The following ADRA1B variants were observed in gnomAD, a reference collection of about 807,000 sequenced individuals.
ADRA1B encodes the protein adrenoceptor alpha 1B.
A neutral mutation model predicts 17.9 loss-of-function variants in ADRA1B; 17 were observed. The ratio of observed to expected loss-of-function variants is 0.95; its 90% confidence interval spans 0.65 to 1.42. The LOEUF is 1.42. Ranked by LOEUF, ADRA1B falls within the 40% of genes most tolerant of loss-of-function variation. The probability of loss-of-function intolerance (pLI) is 0.00; values close to 1 mark genes in which losing one functional copy is unlikely to be tolerated. For synonymous variants in ADRA1B, 366 were observed against 327.6 expected, an observed-to-expected ratio of 1.12 and a Z score of -1.27; for missense variants, 681 against 722.1, an observed-to-expected ratio of 0.94 and a Z score of 0.65.
At chr5:159,983,433 G>T in the ADRA1B span, among the ~76,000 whole-genome samples, 3 of 152,260 alleles carry the variant, frequency 2.0e-5, no homozygotes, top group East Asian at 5.8e-4. Flanking sequence ...ATGTGTTCTG[G>T]CACCACGGTC....
rs745944331 is a variant in ADRA1B, at chr5:159,949,392, G to A, written c.950-22487G>A. Among the ~76,000 whole-genome samples the A allele has an allele frequency of 6.2e-4, 94 of 152,132 alleles. 2 individuals carry two copies. Among genetic ancestry groups the A allele is most frequent in the Non-Finnish European group, 1.3e-4 (9 of 68,026 alleles). ...CTTATCCTTTTTTTGGTACATGGGCGCTTTTGAAAATCTGAGGGAAGCTAT... is the reference window on the plus strand; with the variant it reads ...CTTATCCTTTTTTTGGTACATGGGCACTTTTGAAAATCTGAGGGAAGCTAT... On this transcript the variant is annotated intron_variant, in intron 1 of 1. Coordinates refer to ENST00000306675, the MANE Select transcript of ADRA1B (RefSeq NM_000679.4).
chr5:159,899,226 GGGAA>G (rs1754069051), intron 1 of ADRA1B, among the ~76,000 whole-genome samples: 1 of 144,544 alleles, frequency 6.9e-6, no homozygotes, highest in African/African-American at 2.6e-5. Context: ...AAAGAAGGAA[GGGAA>G]GGAGGGAGGG....
chr5:159,957,632 G>C (rs1184838247), intron 1 of ADRA1B, among the ~76,000 whole-genome samples: 1 of 151,690 alleles, frequency 6.6e-6, no homozygotes, highest in Non-Finnish European at 1.5e-5. Flanking sequence ...ATTTGAAAGA[G>C]AGCTTTGTGT....
chr5:159,965,277 G>T (rs1333175791), intron 1 of ADRA1B, among the ~76,000 whole-genome samples: 1 of 152,190 alleles, frequency 6.6e-6, no homozygotes, highest in East Asian at 1.9e-4. Context: ...GATTCCAAGA[G>T]GCAGGGCAAG....
chr5:159,908,993 C>T (rs927812513), intron 1 of ADRA1B, among the ~76,000 whole-genome samples: 3 of 152,182 alleles, frequency 2.0e-5, no homozygotes, highest in Admixed American at 6.5e-5. Flanking sequence ...AGAAGTGCCA[C>T]AAGAAGCCAA....
At chr5:159,872,154 C>A (rs917366659) in intron 1 of ADRA1B, among the ~76,000 whole-genome samples, 35 of 152,260 alleles carry the variant, frequency 2.3e-4, no homozygotes, top group African/African-American at 6.3e-4. Context: ...AATAAAATAA[C>A]CTTATTTTAA....
chr5:159,908,183 A>G (rs1016981017), intron 1 of ADRA1B, among the ~76,000 whole-genome samples: 4 of 152,160 alleles, frequency 2.6e-5, no homozygotes, highest in Non-Finnish European at 1.5e-5. Flanking sequence ...TGTTGTGCAC[A>G]CAGCCCAGCA....
downstream of ADRA1B, among the ~76,000 whole-genome samples, chr5:159,978,012 C>G (rs1024667518): frequency 6.6e-6 from 1 of 152,188 alleles, no homozygotes; most frequent in Non-Finnish European, 1.5e-5. Flanking sequence ...GACTTCCCTA[C>G]TGCCAACACT....
chr5:159,961,350 G>A (rs1391785765), intron 1 of ADRA1B, among the ~76,000 whole-genome samples: 1 of 152,178 alleles, frequency 6.6e-6, no homozygotes, highest in Non-Finnish European at 1.5e-5. Flanking sequence ...GTTGCAAAAG[G>A]TGGCTGTGGT....
At chr5:159,951,574 A>G in intron 1 of ADRA1B, 6 of 504,770 alleles carry the variant, frequency 1.2e-5, no homozygotes, top group Non-Finnish European at 2.2e-5. Flanking sequence ...GAGAGCCCCT[A>G]GTGGAGAATT....
chr5:159,975,109 A>C (rs1755952195), downstream of ADRA1B, among the ~76,000 whole-genome samples: 1 of 152,196 alleles, frequency 6.6e-6, no homozygotes, highest in Non-Finnish European at 1.5e-5. Flanking sequence ...AGAACAAGGG[A>C]TCATTTGGGG....
chr5:159,928,004 A>G (rs915197257), intron 1 of ADRA1B, among the ~76,000 whole-genome samples: 8 of 152,216 alleles, frequency 5.3e-5, no homozygotes, highest in African/African-American at 1.2e-4. Flanking sequence ...CCGCGATGAC[A>G]TGAGTGAGTG....
At chr5:159,865,587 A>G (rs1051644324) in intron 1 of ADRA1B, among the ~76,000 whole-genome samples, 16 of 152,198 alleles carry the variant, frequency 1.1e-4, no homozygotes, top group African/African-American at 3.9e-4. Context: ...TCACAACTGC[A>G]TTGCATTTTT....
At chr5:159,957,506 CAAAAAA>C (rs201392371) in intron 1 of ADRA1B, among the ~76,000 whole-genome samples, 1 of 91,914 alleles carries the variant, frequency 1.1e-5, no homozygotes, top group African/African-American at 4.2e-5. Flanking sequence ...GACTCTGTCT[CAAAAAA>C]AAAAAAAAAA....
intron 1 of ADRA1B, among the ~76,000 whole-genome samples, chr5:159,907,719 A>G (rs571747022): frequency 2.6e-5 from 4 of 152,322 alleles, no homozygotes; most frequent in South Asian, 2.1e-4. Flanking sequence ...CAACAACTCC[A>G]TGTGGTAAAT....
rs1344430599 is a variant in ADRA1B at position 159,972,716 on chromosome 5, G to A, written c.*224G>A. Among the ~76,000 whole-genome samples the A allele has an allele frequency of 1.3e-5, 2 of 152,158 alleles. No homozygotes were observed. Among genetic ancestry groups the A allele is most frequent in the African/African-American group, 4.8e-5 (2 of 41,450 alleles). ...AGCATGCTGAGAGCCTGGGGGACCC[G>A]ACGCCGCCGGGATTTACCTCTCTCT... On this transcript the variant is annotated 3_prime_UTR_variant, in exon 2 of 2. Transcript: ENST00000306675.
rs780018120 is a variant in ADRA1B, at chr5:159,886,052, GA to G, written c.-256+20851del. On this transcript the variant is annotated intron_variant, in intron 1 of 2. Transcript: ENST00000641205. ...TCCATGCTATGCAATCCAGAAAAGG[GA>G]AAAACTTGCTCCAAAAAGCACAATA... Among the ~76,000 whole-genome samples, 6 of 152,304 alleles carry G rather than the reference GA, an allele frequency of 3.9e-5. No homozygotes were observed. In the East Asian group the frequency reaches 5.8e-4, roughly 15 times the overall value.
chr5:159,868,132 C>G (rs146536220), intron 1 of ADRA1B: 20 of 152,252 alleles, frequency 1.3e-4, no homozygotes, highest in Non-Finnish European at 2.4e-4. Context: ...TTGTAAACAC[C>G]TACCACATAG....
intron 1 of ADRA1B, among the ~76,000 whole-genome samples, chr5:159,971,302 A>G (rs1369001900): frequency 1.3e-5 from 2 of 152,202 alleles, no homozygotes; most frequent in Admixed American, 1.3e-4. Context: ...CATTGTAAAT[A>G]TCTTCTCAGA....
Sources: gnomAD v4.1 joint callset for allele counts (sites outside exome capture counted in the v4.1 genomes callset) on GRCh38, gnomAD v4.1.1 for gene constraint, MANE v1.5 for transcripts, NCBI Gene and HGNC (gene_info 2026-07-23, HGNC 2026-07-21) for gene names.